The following KAZN variants were observed in gnomAD, a reference collection of about 807,000 sequenced individuals.
KAZN encodes kazrin, periplakin interacting protein, also known as kazrin.
A neutral mutation model predicts 87.4 loss-of-function variants in KAZN; 40 were observed. The observed-to-expected ratio is 0.46, with a 90% CI of 0.36 to 0.60. The LOEUF is 0.60. Ranked by LOEUF, KAZN falls within the 20% of genes least tolerant of loss-of-function variation. The probability of loss-of-function intolerance (pLI) is 0.00; values close to 1 mark genes in which losing one functional copy is unlikely to be tolerated. For missense variants in KAZN, 898 were observed against 1,073.9 expected, an observed-to-expected ratio of 0.84 and a Z score of 2.29; for synonymous variants, 466 against 458.3, an observed-to-expected ratio of 1.02 and a Z score of -0.22.
intron 1 of KAZN, among the ~76,000 whole-genome samples, chr1:14,940,185 G>C (rs1660893699): frequency 6.6e-6 from 1 of 152,182 alleles, no homozygotes; most frequent in Non-Finnish European, 1.5e-5. Flanking sequence ...AAGTAGCTGT[G>C]GTGGGAGGAA....
At chr1:15,048,520 C>T (rs917037836) in intron 4 of KAZN, among the ~76,000 whole-genome samples, 1 of 152,256 alleles carries the variant, frequency 6.6e-6, no homozygotes, top group African/African-American at 2.4e-5. Context: ...CAGGAGCCTC[C>T]CCTCCATGGC....
intron 1 of KAZN, among the ~76,000 whole-genome samples, chr1:14,074,711 A>G (rs951811788): frequency 1.3e-5 from 2 of 152,178 alleles, no homozygotes; most frequent in African/African-American, 4.8e-5. Flanking sequence ...AGGGCTTTTA[A>G]GCATTAATGA....
chr1:14,150,064 C>T (rs1645440301), intron 1 of KAZN, among the ~76,000 whole-genome samples: 1 of 152,192 alleles, frequency 6.6e-6, no homozygotes, highest in African/African-American at 2.4e-5. Flanking sequence ...AGCACTTTCA[C>T]AAGCATTGTC....
intron 1 of KAZN, among the ~76,000 whole-genome samples, chr1:14,637,504 A>T (rs1432616424): frequency 2.0e-5 from 3 of 152,084 alleles, no homozygotes; most frequent in African/African-American, 4.8e-5. Context: ...TTGACTAAAG[A>T]TCCTATCCTT....
intron 2 of KAZN, among the ~76,000 whole-genome samples, chr1:14,353,404 T>C (rs1658723820): frequency 6.6e-6 from 1 of 152,048 alleles, no homozygotes; most frequent in South Asian, 2.1e-4. Flanking sequence ...TTTGTATTTT[T>C]AGTAGAGATG....
At chr1:14,382,710 G>GT (rs1370255289) in intron 2 of KAZN, among the ~76,000 whole-genome samples, 1 of 146,862 alleles carries the variant, frequency 6.8e-6, no homozygotes, top group Non-Finnish European at 1.5e-5. Context: ...TCTTAATCCA[G>GT]TCTATCGTTG....
At chr1:14,560,641 A>C (rs1674190976) in intron 2 of KAZN, among the ~76,000 whole-genome samples, 1 of 152,174 alleles carries the variant, frequency 6.6e-6, no homozygotes, top group African/African-American at 2.4e-5. Flanking sequence ...AGGTTCAAGG[A>C]TATACAGTGC....
intron 1 of KAZN, among the ~76,000 whole-genome samples, chr1:14,712,004 G>A (rs1449159232): frequency 2.0e-5 from 3 of 152,178 alleles, no homozygotes; most frequent in Non-Finnish European, 4.4e-5. Flanking sequence ...AAGGAGCATG[G>A]TGCAGGCAAT....
At position 14,677,572 on chromosome 1, in the gene KAZN, C is replaced by T. The variant is rs145903118; in HGVS notation, c.226+78349C>T. Among the ~76,000 whole-genome samples, 410 of 152,120 alleles carry T rather than the reference C, an allele frequency of 2.7e-3. 5 individuals are homozygous for T. The highest frequency in any genetic ancestry group is 9.1e-3 in the African/African-American group (376 of 41,490). On this transcript the variant is annotated intron_variant, in intron 1 of 14. Coordinates refer to ENST00000376030, the MANE Select transcript of KAZN (RefSeq NM_201628.3). ...CCAGGGGCCCATTTTCAGACCTTGG[C>T]GATGACAGGCACCTACCCAGAGGCT...
At chr1:14,706,943 G>A (rs1013695191) in intron 1 of KAZN, among the ~76,000 whole-genome samples, 4 of 152,190 alleles carry the variant, frequency 2.6e-5, no homozygotes, top group Non-Finnish European at 4.4e-5. Flanking sequence ...CGTCTGTAGA[G>A]TCATCATATC....
intron 1 of KAZN, among the ~76,000 whole-genome samples, chr1:13,971,208 C>T (rs568487762): frequency 8.9e-4 from 136 of 152,272 alleles, no homozygotes; most frequent in African/African-American, 3.3e-3. Context: ...TTCTTATGGC[C>T]TTGCAGGGAT....
chr1:14,439,129 A>G (rs1225644679), intron 2 of KAZN, among the ~76,000 whole-genome samples: 1 of 152,166 alleles, frequency 6.6e-6, no homozygotes, highest in Non-Finnish European at 1.5e-5. Flanking sequence ...AACTGAACTC[A>G]TCGTTTTTCT....
intron 2 of KAZN, among the ~76,000 whole-genome samples, chr1:14,373,251 G>A (rs1001394062): frequency 6.7e-6 from 1 of 149,790 alleles, no homozygotes; most frequent in Non-Finnish European, 1.5e-5. Flanking sequence ...ATAAGGAATT[G>A]GCAAAGGAGA....
At chr1:14,182,493 G>A (rs1049201779) in intron 2 of KAZN, among the ~76,000 whole-genome samples, 1 of 152,136 alleles carries the variant, frequency 6.6e-6, no homozygotes, top group African/African-American at 2.4e-5. Flanking sequence ...TTTTGAAACA[G>A]TGTTTTGGTT....
intron 1 of KAZN, among the ~76,000 whole-genome samples, chr1:13,937,121 A>G (rs1194627709): frequency 6.7e-6 from 1 of 148,756 alleles, no homozygotes; most frequent in East Asian, 2.0e-4. Context: ...ATCTCAGCTC[A>G]CCATTACCTC....
At chr1:14,131,865 A>T (rs899690379) in intron 1 of KAZN, among the ~76,000 whole-genome samples, 1 of 151,650 alleles carries the variant, frequency 6.6e-6, no homozygotes, top group Non-Finnish European at 1.5e-5. Context: ...GCAAATTCAG[A>T]CTCATTTTTT....
intron 1 of KAZN, among the ~76,000 whole-genome samples, chr1:14,171,080 T>C (rs2100260372): frequency 6.6e-6 from 1 of 152,346 alleles, no homozygotes; most frequent in African/African-American, 2.4e-5. Context: ...TTTAGCATAA[T>C]GTTTTCTAGA....
intron 2 of KAZN, among the ~76,000 whole-genome samples, chr1:14,196,490 T>C (rs1223389971): frequency 1.3e-5 from 2 of 151,996 alleles, no homozygotes. Flanking sequence ...TTTGTTGATA[T>C]ATAGGATGGG....
rs1651187264 is a variant in KAZN at position 14,262,852 on chromosome 1, G to C, written c.249+82260G>C. ...CAACACCAGGCTTGTAGCTAGAACT[G>C]AGAATAGCTGTTGAGAGAGGGGTGT... On this transcript the variant is annotated intron_variant, in intron 2 of 16. Transcript: ENST00000636203. Among the ~76,000 whole-genome samples, 4 of 152,314 alleles carry C rather than the reference G, an allele frequency of 2.6e-5. 1 individual carries two copies. In the South Asian group the frequency reaches 8.3e-4, roughly 32 times the overall value.
Sources: gnomAD v4.1 joint callset for allele counts (sites outside exome capture counted in the v4.1 genomes callset) on GRCh38, gnomAD v4.1.1 for gene constraint, MANE v1.5 for transcripts, NCBI Gene and HGNC (gene_info 2026-07-23, HGNC 2026-07-21) for gene names.